The following RBFOX1 variants were observed in gnomAD, a reference collection of about 807,000 sequenced individuals.
The protein encoded by RBFOX1 is RNA binding fox-1 homolog 1.
Under a neutral mutation model 57.7 loss-of-function variants are expected in RBFOX1, and 8 were observed. The observed-to-expected ratio is 0.14, with a 90% CI of 0.08 to 0.25. The LOEUF is 0.25. RBFOX1 is among the 10% of genes least tolerant of loss of function. The probability of loss-of-function intolerance (pLI) is 1.00; values close to 1 mark genes in which losing one functional copy is unlikely to be tolerated. For missense variants in RBFOX1, 611 were observed against 548.5 expected (o/e 1.11, Z -1.14); for synonymous variants, 326 against 222.4 (o/e 1.47, Z -4.15).
intron 4 of RBFOX1, among the ~76,000 whole-genome samples, chr16:7,369,240 A>G (rs1241901569): frequency 6.7e-6 from 1 of 149,862 alleles, no homozygotes; most frequent in Non-Finnish European, 1.5e-5. Context: ...ACCCAAACAA[A>G]CAGAAACCAC....
At chr16:7,281,085 C>T (rs540207532) in intron 4 of RBFOX1, among the ~76,000 whole-genome samples, 3 of 151,504 alleles carry the variant, frequency 2.0e-5, no homozygotes, top group Non-Finnish European at 2.9e-5. Context: ...TCACTGCAAC[C>T]TCTGCCTCCT....
At chr16:6,748,451 A>G (rs1051839464) in intron 3 of RBFOX1, among the ~76,000 whole-genome samples, 6 of 152,182 alleles carry the variant, frequency 3.9e-5, no homozygotes, top group African/African-American at 1.2e-4. Flanking sequence ...GCATAAGCCC[A>G]GGAGTTCAAG....
chr16:5,356,102 A>C (rs996758150), intron 1 of RBFOX1, among the ~76,000 whole-genome samples: 1 of 152,168 alleles, frequency 6.6e-6, no homozygotes, highest in African/African-American at 2.4e-5. Flanking sequence ...AGTAAAAATA[A>C]AGGAAGACGT....
intron 2 of RBFOX1, among the ~76,000 whole-genome samples, chr16:6,401,325 T>C (rs747254650): frequency 3.3e-5 from 5 of 152,150 alleles, no homozygotes; most frequent in African/African-American, 1.2e-4. Context: ...AATGCATAAG[T>C]GTACACTGAT....
At chr16:7,512,255 G>A (rs183002792) in intron 4 of RBFOX1, among the ~76,000 whole-genome samples, 31 of 152,282 alleles carry the variant, frequency 2.0e-4, no homozygotes, top group African/African-American at 6.3e-4. Flanking sequence ...GCCTGTTCGC[G>A]TGCCTAGGAT....
intron 3 of RBFOX1, among the ~76,000 whole-genome samples, chr16:5,792,417 C>A (rs1476053962): frequency 6.6e-6 from 1 of 152,226 alleles, no homozygotes; most frequent in South Asian, 2.1e-4. Context: ...CAAAAACTTA[C>A]CTACTAATAG....
At chr16:6,719,060 C>G (rs182331345) in intron 3 of RBFOX1, among the ~76,000 whole-genome samples, 14 of 152,094 alleles carry the variant, frequency 9.2e-5, no homozygotes, top group African/African-American at 3.4e-4. Context: ...ACAGATGAGA[C>G]TTTGCCATGT....
intron 4 of RBFOX1, among the ~76,000 whole-genome samples, chr16:7,467,344 C>T (rs917728919): frequency 5.9e-5 from 9 of 152,094 alleles, no homozygotes; most frequent in African/African-American, 1.9e-4. Flanking sequence ...ATAGACTTGG[C>T]AGTCTTTAAG....
chr16:5,500,119 T>TC (rs369519719), intron 2 of RBFOX1, among the ~76,000 whole-genome samples: 3 of 61,334 alleles, frequency 4.9e-5, no homozygotes, highest in Non-Finnish European at 8.6e-5. Flanking sequence ...CTCCCTTCCC[T>TC]CCTTCCCTCC....
chr16:7,630,495 T>C (rs2060777558), intron 10 of RBFOX1, 108 bp from the exon 11 acceptor site: 1 of 1,546,582 alleles, frequency 6.5e-7, no homozygotes, highest in Non-Finnish European at 8.7e-7. Flanking sequence ...CGCTCTGGGA[T>C]GTGGCTATGT....
chr16:7,160,693 T>G (rs914057492), intron 4 of RBFOX1, among the ~76,000 whole-genome samples: 12 of 151,754 alleles, frequency 7.9e-5, no homozygotes, highest in South Asian at 6.3e-4. Flanking sequence ...TCCTGGGGGG[T>G]TTTTCTGTAA....
Position 7,161,674 on chromosome 16 carries a change from G to C in RBFOX1, c.27+109576G>C, listed in dbSNP as rs146677897. ...GAAGAGGATCAGGTTCACAAATGCAGAAATAAGTGAGTTTTTCTAGTGAGG... is the reference window on the plus strand; with the variant it reads ...GAAGAGGATCAGGTTCACAAATGCACAAATAAGTGAGTTTTTCTAGTGAGG... On this transcript the variant is annotated intron_variant, in intron 4 of 15. Coordinates refer to ENST00000550418, the MANE Select transcript of RBFOX1 (RefSeq NM_018723.4). Among the ~76,000 whole-genome samples the C allele has an allele frequency of 3.3e-3, 507 of 152,242 alleles. 2 individuals carry two copies. The highest frequency in any genetic ancestry group is 0.012 in the African/African-American group (484 of 41,556).
At chr16:6,635,412 A>G (rs2098423528) in intron 2 of RBFOX1, among the ~76,000 whole-genome samples, 1 of 152,130 alleles carries the variant, frequency 6.6e-6, no homozygotes, top group African/African-American at 2.4e-5. Context: ...ATGCAGGACC[A>G]AAGACTTGGT....
At chr16:7,135,327 A>C (rs2071617858) in intron 4 of RBFOX1, among the ~76,000 whole-genome samples, 1 of 152,186 alleles carries the variant, frequency 6.6e-6, no homozygotes, top group Non-Finnish European at 1.5e-5. Flanking sequence ...TTGCAAGAGG[A>C]AATTTGTCAG....
chr16:7,272,381 C>T (rs1447488817), intron 4 of RBFOX1, among the ~76,000 whole-genome samples: 2 of 152,136 alleles, frequency 1.3e-5, no homozygotes, highest in Middle Eastern at 3.4e-3. Context: ...GACTGTGTTC[C>T]GCCATGTTGG....
intron 3 of RBFOX1, among the ~76,000 whole-genome samples, chr16:6,942,457 C>A (rs762219961): frequency 3.9e-5 from 6 of 152,084 alleles, no homozygotes; most frequent in Non-Finnish European, 7.3e-5. Flanking sequence ...TTGTGCCCAG[C>A]CAGGATGAGC....
At chr16:6,420,671 T>G (rs2093747291) in intron 2 of RBFOX1, among the ~76,000 whole-genome samples, 1 of 152,216 alleles carries the variant, frequency 6.6e-6, no homozygotes, top group Non-Finnish European at 1.5e-5. Context: ...TTTGCTCATA[T>G]GAAAGTTCCC....
intron 4 of RBFOX1, among the ~76,000 whole-genome samples, chr16:7,411,310 T>A (rs979414964): frequency 6.6e-6 from 1 of 152,178 alleles, no homozygotes; most frequent in African/African-American, 2.4e-5. Flanking sequence ...GCAAGAGCCA[T>A]CAGGTCTCAT....
At chr16:6,582,236 C>A (rs2097546368) in intron 2 of RBFOX1, among the ~76,000 whole-genome samples, 1 of 152,152 alleles carries the variant, frequency 6.6e-6, no homozygotes, top group Non-Finnish European at 1.5e-5. Flanking sequence ...TGAATTAACT[C>A]TTAATAGCTC....
Sources: gnomAD v4.1 joint callset for allele counts (sites outside exome capture counted in the v4.1 genomes callset) on GRCh38, gnomAD v4.1.1 for gene constraint, MANE v1.5 for transcripts, NCBI Gene and HGNC (gene_info 2026-07-23, HGNC 2026-07-21) for gene names.